The following FAT2 variants were observed in gnomAD, a reference collection of about 807,000 sequenced individuals.
FAT2 encodes protocadherin Fat 2.
In FAT2, 150 loss-of-function variants were observed where a neutral mutation model predicts 295.3. That is an observed-to-expected ratio of 0.51 (90% CI 0.44 to 0.58). The LOEUF is 0.58. Ranked by LOEUF, FAT2 falls within the 20% of genes least tolerant of loss-of-function variation. FAT2 has a pLI of 0.00. For synonymous variants in FAT2, 2,026 were observed against 2,150.3 expected, an observed-to-expected ratio of 0.94 and a Z score of 1.60; for missense variants, 4,868 against 5,442.7, an observed-to-expected ratio of 0.89 and a Z score of 3.32.
chr5:151,572,376 G>A (rs1758567630), intron 1 of FAT2, among the ~76,000 whole-genome samples: 2 of 152,162 alleles, frequency 1.3e-5, no homozygotes, highest in African/African-American at 2.4e-5. Flanking sequence ...TTGGAAGCTG[G>A]AAAATAAAGT....
chr5:151,528,012 G>A lies in FAT2; in HGVS notation c.10148C>T (p.Ala3383Val), dbSNP rs150088361. The A allele has an allele frequency of 1.3e-3, 2,098 of 1,614,132 alleles. 2 individuals carry two copies. The highest frequency in any genetic ancestry group is 1.7e-3 in the Non-Finnish European group (1,968 of 1,180,020). Residue 3383 changes from alanine (A) to valine (V), a missense_variant, in exon 16 of 24, where the codon GCC (alanine) becomes GTC (valine). Coordinates refer to ENST00000261800, the MANE Select transcript of FAT2 (RefSeq NM_001447.3). ...PKKGELQVAK[A>V]LDREQASSYS... ...ATGACTCACCTGTTCCCGGTCCAGG[G>A]CCTTGGCCACCTGTAGCTCCCCCTT...
At position 151,577,761 on chromosome 5, in the gene FAT2, G is replaced by T. The variant is rs575231090; in HGVS notation, c.-20-8810C>A. Among the ~76,000 whole-genome samples the T allele has an allele frequency of 3.9e-5, 6 of 152,268 alleles. No individual in the cohort carries two copies. The South Asian group carries it at 8.3e-4, about 21-fold the overall frequency. On this transcript the variant is annotated intron_variant, in intron 1 of 23. Transcript: ENST00000261800. ...TTTTCAAGTTTGCAGATCCTGATACGCAATGAGGCCCAAAGAGAGGAAGAG... is the reference window on the plus strand; with the variant it reads ...TTTTCAAGTTTGCAGATCCTGATACTCAATGAGGCCCAAAGAGAGGAAGAG...
chr5:151,589,031 C>G (rs556638778), intron 1 of FAT2, among the ~76,000 whole-genome samples: 8 of 152,124 alleles, frequency 5.3e-5, no homozygotes, highest in Non-Finnish European at 1.2e-4. Context: ...CTATAAACCT[C>G]CATCATAAAT....
chr5:151,541,482 TG>T (rs1421615220), intron 10 of FAT2, among the ~76,000 whole-genome samples: 3 of 152,194 alleles, frequency 2.0e-5, no homozygotes, highest in African/African-American at 4.8e-5. Flanking sequence ...CGGGAGTCTG[TG>T]GTTCTTGGTT....
intron 6 of FAT2, 102 bp from the exon 7 acceptor site, chr5:151,551,708 T>G: frequency 3.3e-4 from 409 of 1,233,676 alleles, no homozygotes; most frequent in Non-Finnish European, 4.4e-4. Context: ...CGGTGGTAAA[T>G]TCCACAGTAC....
At chr5:151,584,022 A>AT (rs1759070133) in intron 1 of FAT2, among the ~76,000 whole-genome samples, 1 of 150,570 alleles carries the variant, frequency 6.6e-6, no homozygotes, top group Non-Finnish European at 1.5e-5. Context: ...AAAAAAAAAA[A>AT]AGTTTTTTTT....
rs374341358 is a variant in FAT2, at chr5:151,534,501, C to T, written c.9335G>A (p.Arg3112Gln). ...CACAGCACAGTGGCTGGGGAAGAAC[C>T]GCGGGGCATTGTCATTCACATCCTC... Reference protein sequence around the residue: ...HVEDVNDNAPRFFPSHCAVAV... With the variant: ...HVEDVNDNAPQFFPSHCAVAV... The change falls in exon 13 of 24, where the codon CGG (arginine) becomes CAG (glutamine). Residue 3112 changes from arginine (R) to glutamine (Q), a missense_variant. Coordinates refer to ENST00000261800, the MANE Select transcript of FAT2 (RefSeq NM_001447.3). The T allele has an allele frequency of 1.6e-5, 26 of 1,613,976 alleles. No homozygotes were observed. Among genetic ancestry groups the T allele is most frequent in the South Asian group, 1.4e-4 (13 of 91,060 alleles).
At chr5:151,526,459 G>C (rs747167017) in intron 17 of FAT2, among the ~76,000 whole-genome samples, 16 of 152,170 alleles carry the variant, frequency 1.1e-4, no homozygotes, top group Admixed American at 2.0e-4. Flanking sequence ...GATTCCCTGA[G>C]TATCATTTTA....
At chr5:151,506,843 A>C (rs561708429) in intron 23 of FAT2, among the ~76,000 whole-genome samples, 1 of 152,304 alleles carries the variant, frequency 6.6e-6, no homozygotes, top group South Asian at 2.1e-4. Flanking sequence ...AGAAAAGCAC[A>C]AATGTGCAGA....
chr5:151,554,754 T>A, intron 4 of FAT2, 81 bp from the exon 5 acceptor site: 1 of 1,084,976 alleles, frequency 9.2e-7, no homozygotes, highest in Non-Finnish European at 1.3e-6. Context: ...GAAATAGTAG[T>A]CACTTTGTTC....
chr5:151,535,870 C>T (rs181989288), intron 12 of FAT2, among the ~76,000 whole-genome samples: 72 of 152,304 alleles, frequency 4.7e-4, no homozygotes, highest in Middle Eastern at 3.4e-3. Flanking sequence ...AAAACCCACA[C>T]ACATTTGGTC....
intron 1 of FAT2, among the ~76,000 whole-genome samples, chr5:151,576,789 T>C (rs116499536): frequency 0.014 from 2,083 of 152,260 alleles, 44 homozygotes; most frequent in African/African-American, 0.046. Context: ...GAGTCATTCA[T>C]GGTTTTTGAG....
chr5:151,543,449 G>A lies in FAT2; in HGVS notation c.7678C>T (p.Arg2560Trp), dbSNP rs527244844. ...AAGGCTACTCTTCCTCCTCCATCCCGAGCCATGACCTTAATAGCAATGACT... is the reference window on the plus strand; with the variant it reads ...AAGGCTACTCTTCCTCCTCCATCCCAAGCCATGACCTTAATAGCAATGACT... ...ERVIAIKVMA[R>W]DGGGRVAFCT... is the part of the protein sequence containing the mutation. The change falls in exon 10 of 24, where the codon CGG becomes TGG. Residue 2560 changes from arginine (R) to tryptophan (W), a missense_variant. By Grantham distance (101) the Arg-to-Trp change is moderately radical. Transcript: ENST00000261800. 4.3e-6 allele frequency: 7 copies of A among 1,614,068 alleles called. No individual in the cohort carries two copies. The South Asian group carries it at 4.4e-5, about 10-fold the overall frequency.
chr5:151,545,222 C>A lies in FAT2; in HGVS notation c.5905G>T (p.Asp1969Tyr), dbSNP rs867257663. 1 of 1,614,166 alleles carries A rather than the reference C, an allele frequency of 6.2e-7. No homozygotes were observed. ...ACAGCTGCCCAGTAGACATCCTGAT[C>A]AAACTGCAAGCTTTTGTCAAGCACT... is the stretch of plus-strand genomic sequence containing the variant. ...TQVLDKSLQFDQDVYWAAVKE... is the reference protein window; with the variant it reads ...TQVLDKSLQFYQDVYWAAVKE... Residue 1969 changes from aspartate to tyrosine, a missense_variant, in exon 10 of 24, where the codon GAT (aspartate) becomes TAT (tyrosine). Asp to Tyr is a radical substitution (Grantham distance 160, BLOSUM62 -3). Coordinates refer to ENST00000261800, the MANE Select transcript of FAT2 (RefSeq NM_001447.3).
At chr5:151,559,966 T>G (rs1561868926) in intron 3 of FAT2, among the ~76,000 whole-genome samples, 2 of 152,288 alleles carry the variant, frequency 1.3e-5, no homozygotes, top group East Asian at 3.9e-4. Flanking sequence ...CTCAGTGGAC[T>G]TCACTCTTAC....
upstream of FAT2, among the ~76,000 whole-genome samples, chr5:151,594,519 C>T (rs932729420): frequency 5.9e-5 from 9 of 152,194 alleles, no homozygotes; most frequent in South Asian, 4.1e-4. Context: ...CTTTCAATAA[C>T]GGAGGTGTTG....
At chr5:151,524,888 C>A (rs1753830792) in intron 18 of FAT2, among the ~76,000 whole-genome samples, 1 of 152,236 alleles carries the variant, frequency 6.6e-6, no homozygotes, top group African/African-American at 2.4e-5. Flanking sequence ...GGCAGCCTCC[C>A]TCTGAATGTG....
chr5:151,521,873 G>A lies in FAT2; in HGVS notation c.10720C>T (p.Leu3574=), dbSNP rs750860321. Residue 3574 remains leucine (L), a synonymous_variant, in exon 19 of 24, where the codon CTG becomes TTG. Transcript: ENST00000261800. ...LTYSLAEEET[L]GRHFSVGAPD... ...GCACCCACTGAGAAGTGCCTGCCCA[G>A]GGTCTCCTCTTCTGCCAGGCTATAG... The A allele has an allele frequency of 1.9e-6, 3 of 1,614,184 alleles. No individual in the cohort carries two copies. Among genetic ancestry groups the A allele is most frequent in the Non-Finnish European group, 2.5e-6 (3 of 1,180,002 alleles).
chr5:151,577,992 A>G (rs1417993856), intron 1 of FAT2, among the ~76,000 whole-genome samples: 1 of 151,222 alleles, frequency 6.6e-6, no homozygotes, highest in Non-Finnish European at 1.5e-5. Context: ...TTAGATGAAA[A>G]CCATTAAAAT....
Sources: gnomAD v4.1 joint callset for allele counts (sites outside exome capture counted in the v4.1 genomes callset) on GRCh38, gnomAD v4.1.1 for gene constraint, MANE v1.5 for transcripts, NCBI Gene and HGNC (gene_info 2026-07-23, HGNC 2026-07-21) for gene names.